MAP3K13: variants seen among roughly 807,000 people sequenced by gnomAD.
The protein encoded by MAP3K13 is leucine zipper-bearing kinase.
MAP3K13 carries 52 observed loss-of-function variants against 104.0 expected under a neutral mutation model. That is an observed-to-expected ratio of 0.50 (90% confidence interval 0.40 to 0.63). The LOEUF (loss-of-function observed/expected upper bound fraction) is 0.63, where lower values mean the gene tolerates loss of function less well. Among genes scored for constraint, MAP3K13 ranks in the 20% least tolerant of loss-of-function variants. The pLI, the probability that MAP3K13 is intolerant of heterozygous loss-of-function variation, is 0.00. For synonymous variants in MAP3K13, 394 were observed against 442.2 expected, an observed-to-expected ratio of 0.89 and a Z score of 1.37; for missense variants, 914 against 1,218.5, an observed-to-expected ratio of 0.75 and a Z score of 3.72.
intron 2 of MAP3K13, among the ~76,000 whole-genome samples, chr3:185,310,934 G>A (rs745834421): frequency 4.6e-5 from 7 of 152,086 alleles, no homozygotes; most frequent in African/African-American, 1.2e-4. Context: ...AGCAAAGGTC[G>A]TACTCACATT....
At chr3:185,306,041 C>A (rs1721278944) in intron 2 of MAP3K13, among the ~76,000 whole-genome samples, 1 of 152,192 alleles carries the variant, frequency 6.6e-6, no homozygotes, top group Non-Finnish European at 1.5e-5. Flanking sequence ...ATTTGGTTTT[C>A]TATCCTTGTG....
At chr3:185,433,653 T>C (rs1222852499) in intron 2 of MAP3K13, among the ~76,000 whole-genome samples, 1 of 152,258 alleles carries the variant, frequency 6.6e-6, no homozygotes, top group African/African-American at 2.4e-5. Flanking sequence ...TTCTTTATTT[T>C]ACAATCTGTG....
chr3:185,292,731 C>G, intron 2 of MAP3K13: 2 of 985,052 alleles, frequency 2.0e-6, no homozygotes, highest in Non-Finnish European at 2.4e-6. Context: ...GGATACATGG[C>G]AACAAGGCTA....
intron 2 of MAP3K13, among the ~76,000 whole-genome samples, chr3:185,308,522 GAGT>G (rs10547812): frequency 0.78 from 117,799 of 151,680 alleles, 46,283 homozygotes; most frequent in Non-Finnish European, 0.84. Context: ...GAAAGGCCAT[GAGT>G]TGGGCATTTT....
intron 2 of MAP3K13, among the ~76,000 whole-genome samples, chr3:185,324,623 T>G (rs1721984550): frequency 2.0e-5 from 3 of 152,186 alleles, no homozygotes; most frequent in Admixed American, 2.0e-4. Context: ...CCGCCATGCT[T>G]TCTTTTCTAA....
In MAP3K13 at chr3:185,388,060, A is replaced by G. The variant is rs182965805; in HGVS notation, c.-86+24692A>G. 1.2e-4 allele frequency among the ~76,000 whole-genome samples: 18 copies of G among 152,252 alleles called. No individual in the cohort carries two copies. In the East Asian group the frequency reaches 3.5e-3, roughly 29 times the overall value. On this transcript the variant is annotated intron_variant, in intron 1 of 13. Transcript: ENST00000265026. Reference sequence around the variant, plus strand: ...CACAAAAATCAGTAGTTTACACAAAATATATACCAACAACAAACTAGCTGA... The same window carrying G: ...CACAAAAATCAGTAGTTTACACAAAGTATATACCAACAACAAACTAGCTGA...
intron 2 of MAP3K13, among the ~76,000 whole-genome samples, chr3:185,321,838 A>T (rs2108696074): frequency 6.6e-6 from 1 of 152,332 alleles, no homozygotes; most frequent in South Asian, 2.1e-4. Flanking sequence ...TCTTGACCTC[A>T]GGTGATCTGT....
chr3:185,344,173 T>C (rs1444086637), intron 2 of MAP3K13, among the ~76,000 whole-genome samples: 1 of 151,914 alleles, frequency 6.6e-6, no homozygotes, highest in African/African-American at 2.4e-5. Flanking sequence ...CTACTGTCTA[T>C]ACCTGCTATG....
At chr3:185,376,995 G>A (rs1296959204) in intron 1 of MAP3K13, among the ~76,000 whole-genome samples, 1 of 152,122 alleles carries the variant, frequency 6.6e-6, no homozygotes, top group East Asian at 1.9e-4. Flanking sequence ...AGGGTGCAAG[G>A]AATAGTAAAG....
In MAP3K13 at chr3:185,483,712, T is replaced by TTTTTTTTTTTTGGTTTGTTGGTTTGG; in HGVS notation, c.*1267_*1268insGGTTTGTTGGTTTGGTTTTTTTTTTT. Reference sequence around the variant, plus strand: ...ATAACTCATTCTATCTTAGAAGTTCTTTTTTTTTTTTTTTTTTTTGACAGA... The same window carrying TTTTTTTTTTTTGGTTTGTTGGTTTGG: ...ATAACTCATTCTATCTTAGAAGTTCTTTTTTTTTTTTGGTTTGTTGGTTTGGTTTTTTTTTTTTTTTTTTTGACAGA... On this transcript the variant is annotated 3_prime_UTR_variant, in exon 14 of 14. Transcript: ENST00000265026. 7.5e-6 allele frequency: 1 copy of TTTTTTTTTTTTGGTTTGTTGGTTTGG among 133,300 alleles called. No homozygotes were observed. Among genetic ancestry groups the TTTTTTTTTTTTGGTTTGTTGGTTTGG allele is most frequent in the African/African-American group, 3.1e-5 (1 of 31,868 alleles). 8.3% of individuals were successfully genotyped at this position (133,300 alleles called of 1,614,324 possible).
intron 1 of MAP3K13, chr3:185,417,929 A>T (rs879102718): frequency 6.9e-6 from 11 of 1,604,840 alleles, no homozygotes; most frequent in South Asian, 2.2e-5. Context: ...GTATTAATCA[A>T]CTTGTGCATG....
At chr3:185,462,520 C>A (rs1717165802) in intron 7 of MAP3K13, among the ~76,000 whole-genome samples, 1 of 152,146 alleles carries the variant, frequency 6.6e-6, no homozygotes, top group Non-Finnish European at 1.5e-5. Context: ...TGCCTGTAAT[C>A]CCAGCACTTT....
At chr3:185,464,318 C>T (rs562632326) in intron 8 of MAP3K13, among the ~76,000 whole-genome samples, 7 of 152,218 alleles carry the variant, frequency 4.6e-5, no homozygotes, top group East Asian at 1.9e-4. Context: ...GACATGTTCA[C>T]GAATAATCAC....
upstream of MAP3K13, among the ~76,000 whole-genome samples, chr3:185,359,749 T>C (rs1448578208): frequency 6.6e-6 from 1 of 152,186 alleles, no homozygotes; most frequent in Non-Finnish European, 1.5e-5. Flanking sequence ...CAGATCTCTT[T>C]ACCAGCTTTT....
chr3:185,384,873 A>G, intron 1 of MAP3K13, among the ~76,000 whole-genome samples: 1 of 152,166 alleles, frequency 6.6e-6, no homozygotes, highest in East Asian at 1.9e-4. Flanking sequence ...TAGTTTGTAC[A>G]TATTTTCTTT....
chr3:185,462,153 G>C (rs576459598), intron 7 of MAP3K13, among the ~76,000 whole-genome samples: 1 of 152,290 alleles, frequency 6.6e-6, no homozygotes, highest in Non-Finnish European at 1.5e-5. Flanking sequence ...CTGGCTTCTG[G>C]AGATGGAAGA....
At chr3:185,469,853 GA>G (rs1402801004) in intron 10 of MAP3K13, among the ~76,000 whole-genome samples, 2 of 152,200 alleles carry the variant, frequency 1.3e-5, no homozygotes, top group African/African-American at 4.8e-5. Flanking sequence ...AAACCAGATT[GA>G]AAATTAGGAG....
At chr3:185,413,301 C>T (rs555067435) in intron 1 of MAP3K13, among the ~76,000 whole-genome samples, 5 of 152,262 alleles carry the variant, frequency 3.3e-5, no homozygotes, top group South Asian at 2.1e-4. Context: ...ATGAATAAAG[C>T]GCATAGAGCA....
chr3:185,388,358 C>T (rs4687292), intron 1 of MAP3K13, among the ~76,000 whole-genome samples: 9,016 of 151,754 alleles, frequency 0.059, 379 homozygotes, highest in East Asian at 0.18. Flanking sequence ...AAAAAGTAGC[C>T]GGATGTGGTG....
Sources: allele counts gnomAD v4.1 joint callset (sites outside exome capture counted in the v4.1 genomes callset), GRCh38; gene constraint gnomAD v4.1.1; transcripts MANE v1.5; gene names NCBI Gene and HGNC (gene_info 2026-07-23, HGNC 2026-07-21).